B3GALT1: variants seen among roughly 807,000 people sequenced by gnomAD.
B3GALT1 encodes UDP-Gal:betaGlcNAc beta 1,3-galactosyltransferase, polypeptide 1.
Under a neutral mutation model 23.2 loss-of-function variants are expected in B3GALT1, and 10 were observed. That is an observed-to-expected ratio of 0.43 (90% CI 0.27 to 0.73). The LOEUF (loss-of-function observed/expected upper bound fraction) is 0.73, where lower values mean the gene tolerates loss of function less well. Among genes scored for constraint, B3GALT1 ranks in the 30% least tolerant of loss-of-function variants. The probability of loss-of-function intolerance (pLI) is 0.21; values close to 1 mark genes in which losing one functional copy is unlikely to be tolerated. For synonymous variants in B3GALT1, 156 were observed against 141.5 expected (o/e 1.10, Z -0.73); for missense variants, 299 against 405.4 (o/e 0.74, Z 2.25).
chr2:167,679,932 A>C (rs1686497867), intron 3 of B3GALT1, among the ~76,000 whole-genome samples: 1 of 152,152 alleles, frequency 6.6e-6, no homozygotes, highest in Non-Finnish European at 1.5e-5. Flanking sequence ...TGATATACTT[A>C]TTTCATGGTT....
chr2:167,532,299 G>T (rs112466123), intron 2 of B3GALT1, among the ~76,000 whole-genome samples: 6 of 152,062 alleles, frequency 3.9e-5, no homozygotes, highest in Admixed American at 3.9e-4. Flanking sequence ...TATTACTGTA[G>T]CATAATAAAG....
At chr2:167,631,101 T>G (rs1165183100) in intron 2 of B3GALT1, among the ~76,000 whole-genome samples, 2 of 151,938 alleles carry the variant, frequency 1.3e-5, no homozygotes, top group Non-Finnish European at 2.9e-5. Flanking sequence ...CTTTAACTCT[T>G]TTTTAATGTT....
At chr2:167,538,706 G>T (rs915648141) in intron 2 of B3GALT1, among the ~76,000 whole-genome samples, 2 of 152,070 alleles carry the variant, frequency 1.3e-5, no homozygotes, top group African/African-American at 4.8e-5. Context: ...AATAACTATG[G>T]TTTATCTTGG....
chr2:167,462,989 A>G lies in B3GALT1; in HGVS notation c.-510-27188A>G, dbSNP rs117180662. Among the ~76,000 whole-genome samples, 64 of 152,254 alleles carry G rather than the reference A, an allele frequency of 4.2e-4. No individual in the cohort carries two copies. In the East Asian group the frequency reaches 0.012, roughly 28 times the overall value. On this transcript the variant is annotated intron_variant, in intron 1 of 4. Coordinates refer to ENST00000392690, the MANE Select transcript of B3GALT1 (RefSeq NM_020981.4). ...AGTTTTTGAGATTGTTTATGATAAAATAAATGAGAACGTATCTGTTAATGA... is the reference window on the plus strand; with the variant it reads ...AGTTTTTGAGATTGTTTATGATAAAGTAAATGAGAACGTATCTGTTAATGA...
At chr2:167,631,099 CT>C (rs1396151544) in intron 2 of B3GALT1, among the ~76,000 whole-genome samples, 2 of 151,674 alleles carry the variant, frequency 1.3e-5, no homozygotes, top group Non-Finnish European at 2.9e-5. Context: ...TGCTTTAACT[CT>C]TTTTTAATGT....
chr2:167,386,851 T>C (rs150222725), intron 1 of B3GALT1, among the ~76,000 whole-genome samples: 39 of 152,348 alleles, frequency 2.6e-4, no homozygotes, highest in African/African-American at 8.2e-4. Flanking sequence ...TAAACCATTT[T>C]TCCCCAAATA....
chr2:167,828,781 G>T (rs1207821770), intron 4 of B3GALT1, among the ~76,000 whole-genome samples: 1 of 152,164 alleles, frequency 6.6e-6, no homozygotes, highest in Non-Finnish European at 1.5e-5. Context: ...TGTTCTGTAG[G>T]ATCTTCATTT....
chr2:167,673,536 T>C (rs946088180), intron 3 of B3GALT1, among the ~76,000 whole-genome samples: 1 of 152,032 alleles, frequency 6.6e-6, no homozygotes, highest in Non-Finnish European at 1.5e-5. Flanking sequence ...TTACTTCCAA[T>C]GATCCAAGCA....
chr2:167,869,457 A>G lies in B3GALT1; in HGVS notation c.418A>G (p.Ile140Val). Reference sequence around the variant, plus strand: ...GCAAGAGAGCCAAATCTTCCATGATATCATCGTGGAGGACTTTATTGACTC... The same window carrying G: ...GCAAGAGAGCCAAATCTTCCATGATGTCATCGTGGAGGACTTTATTGACTC... ...VEQESQIFHD[I>V]IVEDFIDSYH... The change falls in exon 5 of 5, where the codon ATC becomes GTC. Residue 140 changes from isoleucine (I) to valine (V), a missense_variant. By Grantham distance (29) the Ile-to-Val change is conservative (BLOSUM62 3). Transcript: ENST00000392690. This position sits in a 1 kb window ranked among gnomAD's most constrained non-coding sequence, Gnocchi z 6.4. The G allele has an allele frequency of 6.2e-7, 1 of 1,613,798 alleles. No individual in the cohort carries two copies. Among genetic ancestry groups the G allele is most frequent in the African/African-American group, 1.3e-5 (1 of 74,998 alleles).
At chr2:167,315,701 T>C (rs1397591579) in intron 1 of B3GALT1, among the ~76,000 whole-genome samples, 1 of 152,162 alleles carries the variant, frequency 6.6e-6, no homozygotes, top group African/African-American at 2.4e-5. Flanking sequence ...ACTCAGTAAG[T>C]CGAGCAGAAT....
At chr2:167,309,927 T>C (rs1696611809) in intron 1 of B3GALT1, among the ~76,000 whole-genome samples, 2 of 152,122 alleles carry the variant, frequency 1.3e-5, no homozygotes, top group South Asian at 4.1e-4. Flanking sequence ...GGATACTGCA[T>C]GCATGCAGTA....
intron 2 of B3GALT1, among the ~76,000 whole-genome samples, chr2:167,596,229 A>G (rs1684772184): frequency 6.6e-6 from 1 of 152,216 alleles, no homozygotes; most frequent in Non-Finnish European, 1.5e-5. Flanking sequence ...ACGATAGGTC[A>G]TTTGCTGAGT....
chr2:167,860,621 T>C (rs1198630993), intron 4 of B3GALT1, among the ~76,000 whole-genome samples: 4 of 152,134 alleles, frequency 2.6e-5, no homozygotes, highest in African/African-American at 9.7e-5. Flanking sequence ...GAGTACTAGT[T>C]TGAGATAGTA....
chr2:167,512,598 A>ACG (rs1558887826), intron 2 of B3GALT1, among the ~76,000 whole-genome samples: 7 of 108,244 alleles, frequency 6.5e-5, no homozygotes, highest in East Asian at 3.8e-4. Flanking sequence ...ATATGTGTAT[A>ACG]TATATATATG....
rs1417811531 is a variant in B3GALT1 at position 167,872,024 on chromosome 2, C to A, written c.*2004C>A. 1 of 150,590 alleles carries A rather than the reference C, an allele frequency of 6.6e-6. No homozygotes were observed. The highest frequency in any genetic ancestry group is 1.5e-5 in the Non-Finnish European group (1 of 67,656). 9.3% of individuals were successfully genotyped at this position (150,590 alleles called of 1,614,324 possible). A position where few individuals can be genotyped will look rare whatever the true frequency, so the allele number is the denominator to read the frequency against. ...TCACGCCATTCTCCTGCCTCAGCCT[C>A]CCGAGTAGCTGGGACTACAGGCGCC... is the stretch of plus-strand genomic sequence containing the variant. On this transcript the variant is annotated 3_prime_UTR_variant, in exon 5 of 5. Transcript: ENST00000392690.
intron 1 of B3GALT1, among the ~76,000 whole-genome samples, chr2:167,345,066 C>T (rs1423073384): frequency 6.6e-6 from 1 of 151,796 alleles, no homozygotes; most frequent in Non-Finnish European, 1.5e-5. Context: ...TTTATTGAAC[C>T]CTTACTATGT....
intron 2 of B3GALT1, among the ~76,000 whole-genome samples, chr2:167,623,687 C>T (rs570823116): frequency 2.2e-4 from 33 of 151,978 alleles, no homozygotes; most frequent in Non-Finnish European, 4.3e-4. Context: ...ACCACCATGG[C>T]ACATGTGTAC....
chr2:167,460,318 C>T (rs1425839982), intron 1 of B3GALT1, among the ~76,000 whole-genome samples: 1 of 152,174 alleles, frequency 6.6e-6, no homozygotes, highest in Non-Finnish European at 1.5e-5. Flanking sequence ...ATCTGTTTTT[C>T]AGGCTTGATA....
chr2:167,763,762 CAAAAT>C (rs772444350), intron 3 of B3GALT1, among the ~76,000 whole-genome samples: 6 of 146,918 alleles, frequency 4.1e-5, no homozygotes, highest in African/African-American at 7.5e-5. Context: ...TATTTGTGTT[CAAAAT>C]AAAATAAAAG....
Sources: gnomAD v4.1 joint callset for allele counts (sites outside exome capture counted in the v4.1 genomes callset) on GRCh38, gnomAD v4.1.1 for gene constraint, Gnocchi (gnomAD v3.1) non-coding constraint, MANE v1.5 for transcripts, NCBI Gene and HGNC (gene_info 2026-07-23, HGNC 2026-07-21) for gene names.